Variants in EPHB1 observed in about 807,000 individuals in gnomAD.
EPHB1 encodes the protein EPH receptor B1.
In EPHB1, 30 loss-of-function variants were observed where a neutral mutation model predicts 94.4. That is an observed-to-expected ratio of 0.32 (90% CI 0.24 to 0.43). EPHB1 has a LOEUF of 0.43. EPHB1 is among the 20% of genes least tolerant of loss of function. EPHB1 has a pLI of 1.00. For missense variants in EPHB1, 1,055 were observed against 1,308.3 expected (o/e 0.81, Z 2.99); for synonymous variants, 522 against 489.1 (o/e 1.07, Z -0.89).
intron 1 of EPHB1, among the ~76,000 whole-genome samples, chr3:134,830,103 T>A (rs537455536): frequency 1.5e-3 from 235 of 152,274 alleles, no homozygotes; most frequent in African/African-American, 5.3e-3. Flanking sequence ...TTCACCTGCA[T>A]TTCTCCAGTG....
At chr3:135,153,766 C>G (rs1209975409) in intron 5 of EPHB1, among the ~76,000 whole-genome samples, 1 of 152,178 alleles carries the variant, frequency 6.6e-6, no homozygotes, top group Non-Finnish European at 1.5e-5. Flanking sequence ...TAGCTCAGCC[C>G]ACAACTGCAA....
intron 3 of EPHB1, among the ~76,000 whole-genome samples, chr3:135,032,324 A>G (rs796254470): frequency 2.0e-5 from 3 of 149,400 alleles, no homozygotes; most frequent in African/African-American, 7.4e-5. Flanking sequence ...TCATCATAAA[A>G]CTATTTTATT....
chr3:134,842,163 T>C (rs1330945956), intron 1 of EPHB1, among the ~76,000 whole-genome samples: 1 of 152,178 alleles, frequency 6.6e-6, no homozygotes, highest in Non-Finnish European at 1.5e-5. Context: ...ACTTGCTCCT[T>C]CCACCATATG....
intron 4 of EPHB1, among the ~76,000 whole-genome samples, chr3:135,130,245 G>A (rs1315309754): frequency 6.6e-6 from 1 of 152,134 alleles, no homozygotes; most frequent in Non-Finnish European, 1.5e-5. Flanking sequence ...AGAGGAAGAT[G>A]GACAGATTGT....
At chr3:134,856,534 C>T (rs1282670482) in intron 1 of EPHB1, among the ~76,000 whole-genome samples, 7 of 152,162 alleles carry the variant, frequency 4.6e-5, no homozygotes, top group African/African-American at 7.2e-5. Context: ...TGCCTGCCAT[C>T]GATAGAGCTG....
intron 1 of EPHB1, among the ~76,000 whole-genome samples, chr3:134,818,149 C>G (rs947245523): frequency 6.6e-6 from 1 of 152,188 alleles, no homozygotes; most frequent in African/African-American, 2.4e-5. Context: ...ATCTCACACT[C>G]CTAGGTGATT....
intron 11 of EPHB1, among the ~76,000 whole-genome samples, chr3:135,196,687 G>A (rs1942627780): frequency 6.6e-6 from 1 of 152,100 alleles, no homozygotes; most frequent in African/African-American, 2.4e-5. Flanking sequence ...GAAAGGAAAA[G>A]GATTAGTCTT....
At chr3:135,257,385 A>G (rs2107735542) in intron 15 of EPHB1, among the ~76,000 whole-genome samples, 1 of 151,622 alleles carries the variant, frequency 6.6e-6, no homozygotes, top group South Asian at 2.1e-4. Context: ...TGATGTACAG[A>G]TGGGTTTTTG....
chr3:134,845,470 C>T (rs1358190370), intron 1 of EPHB1, among the ~76,000 whole-genome samples: 1 of 152,186 alleles, frequency 6.6e-6, no homozygotes, highest in Non-Finnish European at 1.5e-5. Flanking sequence ...AAATAACTTG[C>T]AAAGCTGTGG....
chr3:134,939,096 C>T (rs891533488), intron 2 of EPHB1, among the ~76,000 whole-genome samples: 9 of 152,158 alleles, frequency 5.9e-5, no homozygotes, highest in African/African-American at 2.2e-4. Flanking sequence ...ATTTCTCTAC[C>T]ATCCAAGATT....
intron 1 of EPHB1, among the ~76,000 whole-genome samples, chr3:134,896,092 G>T (rs1034878241): frequency 1.2e-4 from 18 of 152,028 alleles, no homozygotes; most frequent in African/African-American, 3.4e-4. Flanking sequence ...GGGAGATGAA[G>T]AAATAGAAGC....
intron 15 of EPHB1, among the ~76,000 whole-genome samples, chr3:135,252,191 ATTTTT>A (rs1025328471): frequency 1.3e-5 from 2 of 150,996 alleles, no homozygotes; most frequent in African/African-American, 2.4e-5. Context: ...ATTTTATTTT[ATTTTT>A]ATTTTTTAAT....
intron 3 of EPHB1, among the ~76,000 whole-genome samples, chr3:135,102,884 C>A (rs990286741): frequency 6.6e-6 from 1 of 152,092 alleles, no homozygotes; most frequent in African/African-American, 2.4e-5. Flanking sequence ...AAACAGAAAA[C>A]CAAACAACAT....
At chr3:134,949,005 T>C (rs11707505) in intron 2 of EPHB1, among the ~76,000 whole-genome samples, 75,681 of 151,990 alleles carry the variant, frequency 0.5, 19,734 homozygotes, top group African/African-American at 0.64. Flanking sequence ...AGTTTGGGGA[T>C]GTTAGTCTTT....
In EPHB1 at chr3:134,795,618, G is replaced by A. The variant is rs2035808928; in HGVS notation, c.-14G>A. The A allele has an allele frequency of 6.2e-7, 1 of 1,603,598 alleles. No individual in the cohort carries two copies. Among genetic ancestry groups the A allele is most frequent in the South Asian group, 1.1e-5 (1 of 90,372 alleles). The stretch of plus-strand genomic sequence containing the variant: ...GCCTCGGCTTGGTCTCGGCCTGCGG[G>A]CCGTCGGCCGGCGATGGCCCTGGAT... On this transcript the variant is annotated 5_prime_UTR_variant, in exon 1 of 16. Transcript: ENST00000398015.
At chr3:135,104,867 A>G (rs927000264) in intron 3 of EPHB1, among the ~76,000 whole-genome samples, 1 of 152,218 alleles carries the variant, frequency 6.6e-6, no homozygotes, top group Non-Finnish European at 1.5e-5. Context: ...TAAGTGATCA[A>G]TGGAGTGAGA....
At chr3:134,966,022 C>G (rs1430990912) in intron 3 of EPHB1, among the ~76,000 whole-genome samples, 2 of 152,208 alleles carry the variant, frequency 1.3e-5, no homozygotes, top group Non-Finnish European at 2.9e-5. Flanking sequence ...TTTCAGGCCA[C>G]AAAGAGCTCT....
chr3:135,160,912 A>C (rs1501206), intron 6 of EPHB1, among the ~76,000 whole-genome samples: 53,125 of 152,010 alleles, frequency 0.35, 9,615 homozygotes, highest in East Asian at 0.57. Context: ...GTCTGCTGGC[A>C]AAGATGTGGT....
intron 2 of EPHB1, among the ~76,000 whole-genome samples, chr3:134,939,535 C>T (rs1215852319): frequency 6.6e-6 from 1 of 152,186 alleles, no homozygotes; most frequent in Non-Finnish European, 1.5e-5. Context: ...TCCCTCTGGG[C>T]TTGTAGGAAT....
Sources: allele counts gnomAD v4.1 joint callset (sites outside exome capture counted in the v4.1 genomes callset), GRCh38; gene constraint gnomAD v4.1.1; transcripts MANE v1.5; gene names NCBI Gene and HGNC (gene_info 2026-07-23, HGNC 2026-07-21).